The following MYO10 variants were observed in gnomAD, a reference collection of about 807,000 sequenced individuals.
MYO10 encodes unconventional myosin-X.
MYO10 carries 133 observed loss-of-function variants against 257.3 expected under a neutral mutation model. The ratio of observed to expected loss-of-function variants is 0.52; its 90% confidence interval spans 0.45 to 0.60. The LOEUF (loss-of-function observed/expected upper bound fraction) is 0.60, where lower values mean the gene tolerates loss of function less well. Among genes scored for constraint, MYO10 ranks in the 20% least tolerant of loss-of-function variants. The pLI, the probability that MYO10 is intolerant of heterozygous loss-of-function variation, is 0.00. For missense variants in MYO10, 2,399 were observed against 2,635.7 expected, an observed-to-expected ratio of 0.91 and a Z score of 1.97; for synonymous variants, 1,104 against 1,028.6, an observed-to-expected ratio of 1.07 and a Z score of -1.40.
At chr5:16,933,957 G>A (rs913811197) in intron 1 of MYO10, among the ~76,000 whole-genome samples, 1 of 152,188 alleles carries the variant, frequency 6.6e-6, no homozygotes, top group African/African-American at 2.4e-5. Flanking sequence ...CTCTGGATTC[G>A]TGAACAAGCT....
intron 2 of MYO10, among the ~76,000 whole-genome samples, chr5:16,843,296 G>A (rs559095325): frequency 6.6e-6 from 1 of 152,162 alleles, no homozygotes; most frequent in Non-Finnish European, 1.5e-5. Context: ...CAACTTGCAT[G>A]TGTATGCAAA....
At chr5:16,705,414 A>G (rs60546741) in intron 21 of MYO10, among the ~76,000 whole-genome samples, 1,818 of 152,342 alleles carry the variant, frequency 0.012, 38 homozygotes, top group African/African-American at 0.041. Flanking sequence ...TAAGTGTGTC[A>G]GGTAATTGGC....
At chr5:16,935,681 T>G in intron 1 of MYO10, 107 bp downstream of exon 1, 1 of 1,346,304 alleles carries the variant, frequency 7.4e-7, no homozygotes. Flanking sequence ...TCCCAGAAAG[T>G]TGCGCCTTCC....
chr5:16,769,730 A>G (rs753746133), intron 9 of MYO10, among the ~76,000 whole-genome samples: 1 of 152,198 alleles, frequency 6.6e-6, no homozygotes, highest in Non-Finnish European at 1.5e-5. Context: ...AGAGATAATC[A>G]ATGAAATAAA....
Position 16,794,701 on chromosome 5 carries a change from T to G in MYO10, c.412A>C (p.Asn138His). 1 of 1,613,618 alleles carries G rather than the reference T, an allele frequency of 6.2e-7. No homozygotes were observed. The highest frequency in any genetic ancestry group is 2.2e-5 in the East Asian group (1 of 44,838). Residue 138 changes from asparagine (N) to histidine (H), a missense_variant, in exon 4 of 41, where the codon AAC becomes CAC. Asn to His is a moderately conservative substitution (Grantham distance 68). Transcript: ENST00000513610. ...TTCCACAGGCAGCGGTAGCACTCGT[T>G]GGCGATGGCGAAGATGTGCGGGGGC... ...ELPPHIFAIA[N>H]ECYRCLWKRH... is the part of the protein sequence containing the mutation.
intron 1 of MYO10, among the ~76,000 whole-genome samples, chr5:16,924,900 T>G (rs2625178): frequency 0.47 from 69,302 of 148,316 alleles, 16,514 homozygotes; most frequent in African/African-American, 0.53. Context: ...GCACGATCTC[T>G]GCTCACTGCA....
rs5866202 is a variant in MYO10, at chr5:16,698,623, GT to G, written c.3556+826del. ...TATCCCTGGCAGGAGAGAACATGCA[GT>G]TTTTTTTTTTTTTTTTTGAGACAGC... is the stretch of plus-strand genomic sequence containing the variant. On this transcript the variant is annotated intron_variant, in intron 26 of 40. Transcript: ENST00000513610. Among the ~76,000 whole-genome samples the G allele has an allele frequency of 3.7e-3, 419 of 113,818 alleles. 9 individuals carry two copies. The highest frequency in any genetic ancestry group is 6.5e-3 in the African/African-American group (170 of 26,138). The allele number at this position is 113,818 out of a possible 152,430, so 74.7% of individuals were successfully genotyped here. A position where few individuals can be genotyped will look rare whatever the true frequency, so the allele number is the denominator to read the frequency against.
Position 16,762,738 on chromosome 5 carries a change from C to T in MYO10, c.1495-101G>A, listed in dbSNP as rs750562698. ...CAGCACTTTGGGAAGCCAAGATGGGCAGATCATTTGAGGTCAGGAGTTCCA... is the reference window on the plus strand; with the variant it reads ...CAGCACTTTGGGAAGCCAAGATGGGTAGATCATTTGAGGTCAGGAGTTCCA... On this transcript the variant is annotated intron_variant, in intron 14 of 40. Transcript: ENST00000513610. 7.0e-5 allele frequency: 57 copies of T among 816,562 alleles called. No individual in the cohort carries two copies. The African/African-American group carries it at 7.5e-4, about 11-fold the overall frequency. The allele number at this position is 816,562 out of a possible 1,614,324, so 50.6% of individuals were successfully genotyped here.
intron 1 of MYO10, among the ~76,000 whole-genome samples, chr5:16,934,483 C>T (rs1382729258): frequency 2.6e-5 from 4 of 152,224 alleles, no homozygotes; most frequent in African/African-American, 9.6e-5. Flanking sequence ...CACTGGACAA[C>T]GTGCAACTCT....
intron 10 of MYO10, 36 bp from the exon 11 acceptor site, chr5:16,766,234 G>GC (rs752916337): frequency 8.5e-6 from 13 of 1,522,218 alleles, no homozygotes; most frequent in African/African-American, 1.4e-5. Context: ...TGAACCCACC[G>GC]CCCCCAAGAA....
chr5:16,934,710 T>C (rs1561068652), intron 1 of MYO10, among the ~76,000 whole-genome samples: 2 of 152,388 alleles, frequency 1.3e-5, no homozygotes, highest in East Asian at 1.9e-4. Flanking sequence ...TAAACAAGAA[T>C]GCATTTATCA....
At chr5:16,691,976 G>C (rs1737530287) in intron 27 of MYO10, among the ~76,000 whole-genome samples, 1 of 152,198 alleles carries the variant, frequency 6.6e-6, no homozygotes, top group Non-Finnish European at 1.5e-5. Context: ...AACAGCAAGT[G>C]AAAGAAAGGC....
intron 19 of MYO10, among the ~76,000 whole-genome samples, chr5:16,715,094 AAAAAT>A (rs2126585922): frequency 6.6e-6 from 1 of 151,146 alleles, no homozygotes; most frequent in African/African-American, 2.4e-5. Context: ...AATACACAAC[AAAAAT>A]AAATTAAAAA....
chr5:16,851,558 T>G (rs900618885), intron 2 of MYO10, among the ~76,000 whole-genome samples: 1 of 152,122 alleles, frequency 6.6e-6, no homozygotes, highest in African/African-American at 2.4e-5. Flanking sequence ...AGAAAGCACC[T>G]CCACACAGGT....
At chr5:16,871,050 A>T (rs2126756029) in intron 2 of MYO10, among the ~76,000 whole-genome samples, 1 of 152,334 alleles carries the variant, frequency 6.6e-6, no homozygotes, top group Admixed American at 6.5e-5. Flanking sequence ...TTTCAGCTTA[A>T]GCATGTTTTA....
At chr5:16,799,527 C>CT (rs1742059136) in intron 3 of MYO10, among the ~76,000 whole-genome samples, 1 of 150,794 alleles carries the variant, frequency 6.6e-6, no homozygotes. Context: ...GAGTCTCGCT[C>CT]TGTCATCCAG....
intron 19 of MYO10, among the ~76,000 whole-genome samples, chr5:16,735,947 T>C (rs1373628425): frequency 2.6e-5 from 4 of 152,150 alleles, no homozygotes; most frequent in Admixed American, 1.3e-4. Flanking sequence ...GAAGAGTCTC[T>C]ACTCATCCAC....
rs762669168 is a variant in MYO10, at chr5:16,763,433, C to T, written c.1494+48G>A. ...TTTGTTCCCATAAATATGAATCAGTCCAGCTGGACCCCCTTGGGACTGTAA... is the reference window on the plus strand; with the variant it reads ...TTTGTTCCCATAAATATGAATCAGTTCAGCTGGACCCCCTTGGGACTGTAA... On this transcript the variant is annotated intron_variant, in intron 14 of 40. Transcript: ENST00000513610. 2.8e-6 allele frequency: 4 copies of T among 1,445,008 alleles called. No homozygotes were observed. The African/African-American group carries it at 5.6e-5, about 20-fold the overall frequency. 89.5% of individuals were successfully genotyped at this position (1,445,008 alleles called of 1,614,324 possible).
At chr5:16,842,090 T>C (rs1743499211) in intron 2 of MYO10, among the ~76,000 whole-genome samples, 1 of 152,172 alleles carries the variant, frequency 6.6e-6, no homozygotes. Flanking sequence ...TTTCATAGTA[T>C]AAAGTAAAAC....
Sources: allele counts gnomAD v4.1 joint callset (sites outside exome capture counted in the v4.1 genomes callset), GRCh38; gene constraint gnomAD v4.1.1; transcripts MANE v1.5; gene names NCBI Gene and HGNC (gene_info 2026-07-23, HGNC 2026-07-21).